ERCC6L: variants seen among roughly 807,000 people sequenced by gnomAD.
ERCC6L encodes DNA excision repair protein ERCC-6-like.
ERCC6L carries 7 observed loss-of-function variants against 20.1 expected under a neutral mutation model. The ratio of observed to expected loss-of-function variants is 0.35; its 90% CI spans 0.20 to 0.65. ERCC6L has a LOEUF of 0.65. Ranked by LOEUF, ERCC6L falls within the 30% of genes least tolerant of loss-of-function variation. The pLI is 0.69. For missense variants in ERCC6L, 592 were observed against 892.4 expected (o/e 0.66, Z 4.29); for synonymous variants, 278 against 331.3 (o/e 0.84, Z 1.75).
intron 1 of ERCC6L, among the ~76,000 whole-genome samples, chrX:72,226,774 C>T (rs1297970532): frequency 9.0e-6 from 1 of 111,603 alleles, no homozygotes; most frequent in Non-Finnish European, 1.9e-5. Context: ...CCAAATACAG[C>T]AACTAATCAC....
intron 1 of ERCC6L, among the ~76,000 whole-genome samples, chrX:72,220,680 C>T (rs745322031): frequency 2.7e-5 from 3 of 110,208 alleles, no homozygotes; most frequent in Admixed American, 9.7e-5. Context: ...ATTCCAACCC[C>T]GCCATAAAAC....
chrX:72,212,879 G>T (rs189638345), intron 1 of ERCC6L, among the ~76,000 whole-genome samples: 2 of 111,519 alleles, frequency 1.8e-5, no homozygotes, highest in African/African-American at 6.5e-5. Flanking sequence ...GGAGGCAGGG[G>T]TTGCATTGAG....
chrX:72,205,226 A>G lies in ERCC6L; in HGVS notation c.3541T>C (p.Ser1181Pro). 1 of 1,211,893 alleles carries G rather than the reference A, an allele frequency of 8.3e-7. No individual in the cohort carries two copies. Among genetic ancestry groups the G allele is most frequent in the Non-Finnish European group, 1.1e-6 (1 of 895,528 alleles). ...GGAGAACCAACCAACTGTTCACCAGACAAAGGCTCAGGGGCACCAAGAGAG... is the reference window on the plus strand; with the variant it reads ...GGAGAACCAACCAACTGTTCACCAGGCAAAGGCTCAGGGGCACCAAGAGAG... ...ETSLGAPEPL[S>P]GEQLVGSPQD... is the part of the protein sequence containing the mutation. Residue 1181 changes from serine to proline, a missense_variant, in exon 2 of 2, where the codon TCT becomes CCT. Ser to Pro is a moderately conservative substitution (Grantham distance 74, BLOSUM62 -1). Transcript: ENST00000334463.
In ERCC6L at chrX:72,219,870, C is replaced by T. The variant is rs1025351417; in HGVS notation, c.69-11172G>A. Among the ~76,000 whole-genome samples the T allele has an allele frequency of 1.2e-4, 13 of 109,082 alleles. No individual in the cohort carries two copies. In the Admixed American group the frequency reaches 1.3e-3, roughly 11 times the overall value. 94.7% of individuals were successfully genotyped at this position (109,082 alleles called of 115,157 possible). A position where few individuals can be genotyped will look rare whatever the true frequency, so the allele number is the denominator to read the frequency against. On this transcript the variant is annotated intron_variant, in intron 1 of 1. Coordinates refer to ENST00000334463, the MANE Select transcript of ERCC6L (RefSeq NM_017669.4). ...CTCAAAAAAAAAAAAAAAAGAACCT[C>T]CACTATAATGTTGAATTATAATGTG...
chrX:72,222,965 C>T (rs1333351835), intron 1 of ERCC6L, among the ~76,000 whole-genome samples: 1 of 108,986 alleles, frequency 9.2e-6, no homozygotes, highest in Non-Finnish European at 1.9e-5. Flanking sequence ...GATCCAGAAT[C>T]TAGAGAAGGG....
At chrX:72,234,085 G>A (rs1369879609) in intron 1 of ERCC6L, among the ~76,000 whole-genome samples, 1 of 110,573 alleles carries the variant, frequency 9.0e-6, no homozygotes, top group African/African-American at 3.3e-5. Context: ...ACTCCAGCCT[G>A]GGCAACAGAG....
At position 72,219,493 on chromosome X, in the gene ERCC6L, G is replaced by T. The variant is rs975136618; in HGVS notation, c.69-10795C>A. Reference sequence around the variant, plus strand: ...CGCTTGAACCTGGGAGATGGAGGTTGCAGTAAGCCGAGATTGCGCCATTGC... The same window carrying T: ...CGCTTGAACCTGGGAGATGGAGGTTTCAGTAAGCCGAGATTGCGCCATTGC... On this transcript the variant is annotated intron_variant, in intron 1 of 1. Transcript: ENST00000334463. 3.7e-5 allele frequency among the ~76,000 whole-genome samples: 4 copies of T among 109,473 alleles called. No homozygotes were observed. The Admixed American group carries it at 3.9e-4, about 11-fold the overall frequency.
Position 72,205,006 on chromosome X carries a change from T to C in ERCC6L, c.*8A>G. 1 of 1,163,734 alleles carries C rather than the reference T, an allele frequency of 8.6e-7. No homozygotes were observed. The highest frequency in any genetic ancestry group is 2.0e-5 in the South Asian group (1 of 50,718). ...TTCACTTTAAAATACAATAAACAGG[T>C]TACATTCTCAATTGTTATTAAGTTG... On this transcript the variant is annotated 3_prime_UTR_variant, in exon 2 of 2. Coordinates refer to ENST00000334463, the MANE Select transcript of ERCC6L (RefSeq NM_017669.4).
At chrX:72,235,747 A>C (rs1016738741) in intron 1 of ERCC6L, among the ~76,000 whole-genome samples, 1 of 110,635 alleles carries the variant, frequency 9.0e-6, no homozygotes, top group Non-Finnish European at 1.9e-5. Flanking sequence ...AGATATTCCA[A>C]TTTCCCTATT....
At chrX:72,238,699 C>T in intron 1 of ERCC6L, 145 bp downstream of exon 1, 1 of 501,966 alleles carries the variant, frequency 2.0e-6, no homozygotes, top group South Asian at 3.3e-5. Flanking sequence ...AGCTGACTCC[C>T]ACACCCTACT....
In ERCC6L at chrX:72,204,966, T is replaced by A; in HGVS notation, c.*48A>T. On this transcript the variant is annotated 3_prime_UTR_variant, in exon 2 of 2. Coordinates refer to ENST00000334463, the MANE Select transcript of ERCC6L (RefSeq NM_017669.4). ...AGAATCCAATTATGGGAACAAAAATTCCCTCATATTCAGTTTCACTTTAAA... is the reference window on the plus strand; with the variant it reads ...AGAATCCAATTATGGGAACAAAAATACCCTCATATTCAGTTTCACTTTAAA... 9.6e-7 allele frequency: 1 copy of A among 1,036,449 alleles called. No individual in the cohort carries two copies. The highest frequency in any genetic ancestry group is 2.4e-5 in the South Asian group (1 of 40,884). 85.4% of individuals were successfully genotyped at this position (1,036,449 alleles called of 1,213,427 possible).
chrX:72,230,779 C>T (rs2042979018), intron 1 of ERCC6L, among the ~76,000 whole-genome samples: 2 of 111,249 alleles, frequency 1.8e-5, no homozygotes, highest in African/African-American at 6.5e-5. Context: ...GCCTGGGCAA[C>T]ATGGCAAAAC....
Position 72,205,813 on chromosome X carries a change from G to A in ERCC6L, c.2954C>T (p.Ala985Val). Reference sequence around the variant, plus strand: ...CACAAACCCTGCTCTGGAATTAGGTGCAGAGCCACACAAGCTATTTTCTTT... The same window carrying A: ...CACAAACCCTGCTCTGGAATTAGGTACAGAGCCACACAAGCTATTTTCTTT... The part of the protein sequence containing the change: ...VEKENSLCGS[A>V]PNSRAGFVHS... The change falls in exon 2 of 2, where the codon GCA (alanine) becomes GTA (valine). Residue 985 changes from alanine to valine, a missense_variant. By Grantham distance (64) the Ala-to-Val change is moderately conservative (BLOSUM62 0). Coordinates refer to ENST00000334463, the MANE Select transcript of ERCC6L (RefSeq NM_017669.4). The A allele has an allele frequency of 1.7e-6, 2 of 1,211,822 alleles. No individual in the cohort carries two copies. The highest frequency in any genetic ancestry group is 2.2e-6 in the Non-Finnish European group (2 of 895,453).
chrX:72,220,516 T>A (rs1053173850), intron 1 of ERCC6L, among the ~76,000 whole-genome samples: 2 of 110,896 alleles, frequency 1.8e-5, no homozygotes, highest in African/African-American at 3.3e-5. Flanking sequence ...ACAATTAACA[T>A]CTCCAACCAG....
intron 1 of ERCC6L, among the ~76,000 whole-genome samples, chrX:72,232,053 T>G (rs2042986312): frequency 1.8e-5 from 2 of 109,473 alleles, no homozygotes; most frequent in South Asian, 7.9e-4. Context: ...CACTCCAGCC[T>G]AGATGACAGA....
intron 1 of ERCC6L, among the ~76,000 whole-genome samples, chrX:72,208,947 G>T (rs755232065): frequency 1.8e-5 from 2 of 111,779 alleles, no homozygotes; most frequent in South Asian, 3.8e-4. Context: ...AAGGTTATTG[G>T]TTCCACAGTA....
At position 72,204,872 on chromosome X, in the gene ERCC6L, G is replaced by C. The variant is rs768474149; in HGVS notation, c.*142C>G. 63 of 417,935 alleles carry C rather than the reference G, an allele frequency of 1.5e-4. No homozygotes were observed. The highest frequency in any genetic ancestry group is 1.4e-3 in the African/African-American group (57 of 39,721). 34.4% of individuals were successfully genotyped at this position (417,935 alleles called of 1,213,427 possible). ...CAGAATACCAGACTATGGAGTGGGG[G>C]GCGTTGCAGGGCAGAAGTTGCTTTT... is the stretch of plus-strand genomic sequence containing the variant. On this transcript the variant is annotated 3_prime_UTR_variant, in exon 2 of 2. Coordinates refer to ENST00000334463, the MANE Select transcript of ERCC6L (RefSeq NM_017669.4).
At chrX:72,219,511 G>A (rs748785211) in intron 1 of ERCC6L, among the ~76,000 whole-genome samples, 3 of 109,080 alleles carry the variant, frequency 2.8e-5, no homozygotes, top group Admixed American at 2.0e-4. Flanking sequence ...CCGAGATTGC[G>A]CCATTGCACT....
chrX:72,206,667 C>A lies in ERCC6L; in HGVS notation c.2100G>T (p.Arg700Ser), dbSNP rs1011347533. Residue 700 changes from arginine (R) to serine (S), a missense_variant, in exon 2 of 2, where the codon AGG becomes AGT. Physicochemically the swap from Arg to Ser is moderately radical, Grantham distance 110 (BLOSUM62 -1). Around this residue, in one of 3 missense-constraint regions of ERCC6L, gnomAD observed 352 missense variants for 402.6 expected, o/e 0.87. Transcript: ENST00000334463. ...CAACGAGGAATTGAGCTTTCTGAACCCTTTGTTGAATATAGTGAGATTCTT... is the reference window on the plus strand; with the variant it reads ...CAACGAGGAATTGAGCTTTCTGAACACTTTGTTGAATATAGTGAGATTCTT... ...VVEESHYIQQRVQKAQFLVEF... is the reference protein window; with the variant it reads ...VVEESHYIQQSVQKAQFLVEF... 7.4e-6 allele frequency: 9 copies of A among 1,211,237 alleles called. No individual in the cohort carries two copies. The highest frequency in any genetic ancestry group is 1.0e-5 in the Non-Finnish European group (9 of 895,266).
Sources: allele counts gnomAD v4.1 joint callset (sites outside exome capture counted in the v4.1 genomes callset), GRCh38; gene constraint gnomAD v4.1.1; regional missense constraint gnomAD v4.1.1; transcripts MANE v1.5; gene names NCBI Gene and HGNC (gene_info 2026-07-23, HGNC 2026-07-21).